TENM3: variants seen among roughly 807,000 people sequenced by gnomAD.
TENM3 encodes the protein teneurin transmembrane protein 3.
TENM3 carries 63 observed loss-of-function variants against 255.1 expected under a neutral mutation model. The observed-to-expected ratio is 0.25, with a 90% CI of 0.20 to 0.30. The LOEUF is 0.30. Among genes scored for constraint, TENM3 ranks in the 10% least tolerant of loss-of-function variants. TENM3 has a pLI of 1.00. For synonymous variants in TENM3, 1,306 were observed against 1,322.3 expected (o/e 0.99, Z 0.27); for missense variants, 2,929 against 3,461.1 (o/e 0.85, Z 3.86).
chr4:181,766,658 C>T, the TENM3 span, among the ~76,000 whole-genome samples: 4 of 151,132 alleles, frequency 2.6e-5, no homozygotes, highest in African/African-American at 9.7e-5. Flanking sequence ...AAGGATTCCT[C>T]AGAAGCATAC....
the TENM3 span, among the ~76,000 whole-genome samples, chr4:181,567,897 A>G: frequency 6.6e-5 from 10 of 152,130 alleles, no homozygotes; most frequent in Non-Finnish European, 1.3e-4. Flanking sequence ...GAAGTTGTGG[A>G]GCTCATATCT....
intron 20 of TENM3, among the ~76,000 whole-genome samples, chr4:182,753,215 T>G (rs1426119846): frequency 6.6e-6 from 1 of 152,210 alleles, no homozygotes; most frequent in Non-Finnish European, 1.5e-5. Context: ...CGCAAAGTGC[T>G]AGGATTGCAG....
chr4:182,065,805 G>A, the TENM3 span, among the ~76,000 whole-genome samples: 1 of 152,174 alleles, frequency 6.6e-6, no homozygotes, highest in African/African-American at 2.4e-5. Flanking sequence ...AGGACCAAGC[G>A]GGACACATCT....
chr4:182,764,576 C>T (rs1763515770), intron 22 of TENM3, among the ~76,000 whole-genome samples: 2 of 152,064 alleles, frequency 1.3e-5, no homozygotes, highest in Non-Finnish European at 2.9e-5. Flanking sequence ...ATAAAGGCTA[C>T]CCAGAAGAGA....
the TENM3 span, among the ~76,000 whole-genome samples, chr4:182,071,806 A>G: frequency 6.6e-6 from 1 of 152,228 alleles, no homozygotes; most frequent in Non-Finnish European, 1.5e-5. Context: ...GATCTGTCGA[A>G]CACCAGGGAT....
the TENM3 span, among the ~76,000 whole-genome samples, chr4:181,714,256 T>C: frequency 6.6e-6 from 1 of 151,860 alleles, no homozygotes; most frequent in Admixed American, 6.6e-5. Flanking sequence ...GCCAACAGGG[T>C]AGGACCTCAT....
chr4:181,584,299 C>T, the TENM3 span, among the ~76,000 whole-genome samples: 2 of 152,096 alleles, frequency 1.3e-5, no homozygotes, highest in East Asian at 1.9e-4. Context: ...CTCAGGTTTT[C>T]GGAAACGGGT....
chr4:182,092,674 A>G, the TENM3 span, among the ~76,000 whole-genome samples: 1 of 152,212 alleles, frequency 6.6e-6, no homozygotes, highest in Non-Finnish European at 1.5e-5. Flanking sequence ...TAAATCTATA[A>G]ATAAATAAAA....
chr4:182,657,088 C>T (rs1467673991), intron 6 of TENM3, among the ~76,000 whole-genome samples: 2 of 152,194 alleles, frequency 1.3e-5, no homozygotes, highest in Non-Finnish European at 2.9e-5. Flanking sequence ...GCCTAATGTA[C>T]TGGAAAGAAT....
At chr4:181,450,024 A>G in the TENM3 span, among the ~76,000 whole-genome samples, 1 of 152,162 alleles carries the variant, frequency 6.6e-6, no homozygotes. Flanking sequence ...TTATCATTAA[A>G]CTACTATTTA....
the TENM3 span, among the ~76,000 whole-genome samples, chr4:182,103,599 C>T: frequency 2.0e-5 from 3 of 152,320 alleles, no homozygotes; most frequent in East Asian, 5.8e-4. Flanking sequence ...TCCAGCACTG[C>T]CCCTCACTCA....
At chr4:182,497,083 C>A (rs374122567) in intron 3 of TENM3, among the ~76,000 whole-genome samples, 1 of 150,314 alleles carries the variant, frequency 6.7e-6, no homozygotes, top group Non-Finnish European at 1.5e-5. Flanking sequence ...GAGACGGAGT[C>A]TTGCTCTGTC....
At chr4:182,205,101 T>C (rs1296256941) in intron 1 of TENM3, among the ~76,000 whole-genome samples, 1 of 152,204 alleles carries the variant, frequency 6.6e-6, no homozygotes, top group East Asian at 1.9e-4. Context: ...AATAACTCTC[T>C]AATACTCACT....
chr4:181,946,403 A>T, the TENM3 span, among the ~76,000 whole-genome samples: 2 of 152,182 alleles, frequency 1.3e-5, no homozygotes, highest in African/African-American at 4.8e-5. Flanking sequence ...GTTTATCAGA[A>T]TCCACTCATC....
the TENM3 span, among the ~76,000 whole-genome samples, chr4:181,734,504 CAT>C: frequency 2.6e-5 from 4 of 151,954 alleles, no homozygotes; most frequent in Non-Finnish European, 5.9e-5. Context: ...TGGCATTAAA[CAT>C]ATATATGCAT....
the TENM3 span, among the ~76,000 whole-genome samples, chr4:181,524,080 G>A: frequency 2.4e-4 from 36 of 152,156 alleles, no homozygotes; most frequent in African/African-American, 6.5e-4. Flanking sequence ...TATAATCCAC[G>A]AAACACTAAC....
chr4:182,269,597 A>G (rs1380786983), intron 1 of TENM3, among the ~76,000 whole-genome samples: 1 of 151,856 alleles, frequency 6.6e-6, no homozygotes, highest in Admixed American at 6.6e-5. Context: ...TCCCTGCTTG[A>G]CTTCCTCTCC....
intron 1 of TENM3, among the ~76,000 whole-genome samples, chr4:182,196,507 C>T (rs538519121): frequency 1.0e-3 from 154 of 152,222 alleles, no homozygotes; most frequent in African/African-American, 3.5e-3. Flanking sequence ...TTCTGGGTGG[C>T]AGGAGGTAAG....
rs553322365 is a variant in TENM3 at position 182,314,169 on chromosome 4, C to G, written c.-75-9777C>G. Among the ~76,000 whole-genome samples the G allele has an allele frequency of 1.3e-3, 197 of 152,168 alleles. 3 individuals carry two copies. The highest frequency in any genetic ancestry group is 5.4e-3 in the South Asian group (26 of 4,814). ...CAAAAAAATTAGCCGGGCGCTTTGG[C>G]AAGCGCCTGTAGTCCCAGCTACTCG... On this transcript the variant is annotated intron_variant, in intron 1 of 27. Transcript: ENST00000511685.
Sources: gnomAD v4.1 joint callset for allele counts (sites outside exome capture counted in the v4.1 genomes callset) on GRCh38, gnomAD v4.1.1 for gene constraint, MANE v1.5 for transcripts, NCBI Gene and HGNC (gene_info 2026-07-23, HGNC 2026-07-21) for gene names.